Variants in CMIP observed in about 807,000 individuals in gnomAD.
The protein encoded by CMIP is C-Maf-inducing protein.
Under a neutral mutation model 97.3 loss-of-function variants are expected in CMIP, and 13 were observed. The observed-to-expected ratio is 0.13, with a 90% CI of 0.09 to 0.21. The LOEUF is 0.21. Ranked by LOEUF, CMIP falls within the 10% of genes least tolerant of loss-of-function variation. The pLI is 1.00. For missense variants in CMIP, 847 were observed against 1,024.9 expected, an observed-to-expected ratio of 0.83 and a Z score of 2.37; for synonymous variants, 538 against 436.3, an observed-to-expected ratio of 1.23 and a Z score of -2.91.
intron 1 of CMIP, among the ~76,000 whole-genome samples, chr16:81,566,963 G>A (rs1339292725): frequency 1.3e-5 from 2 of 152,228 alleles, no homozygotes; most frequent in African/African-American, 4.8e-5. Context: ...TGGAATGATG[G>A]TTACTTCTTG....
intron 1 of CMIP, among the ~76,000 whole-genome samples, chr16:81,492,290 A>AT (rs2089418239): frequency 6.6e-6 from 1 of 151,938 alleles, no homozygotes; most frequent in African/African-American, 2.4e-5. Flanking sequence ...ATTGTTTTTC[A>AT]TTTTTTTCTT....
chr16:81,707,095 C>G lies in CMIP; in HGVS notation c.2268+11C>G. 1 of 1,611,750 alleles carries G rather than the reference C, an allele frequency of 6.2e-7. No homozygotes were observed. The highest frequency in any genetic ancestry group is 8.5e-7 in the Non-Finnish European group (1 of 1,177,946). On this transcript the variant is annotated intron_variant, in intron 20 of 20. Coordinates refer to ENST00000537098, the MANE Select transcript of CMIP (RefSeq NM_198390.3). ...TACGAAGATCTGAAGGTAATTCCCT[C>G]CTTCCTCCCCACTCTCCTCCCCTCC...
chr16:81,531,374 A>G (rs978647705), intron 1 of CMIP, among the ~76,000 whole-genome samples: 2 of 152,206 alleles, frequency 1.3e-5, no homozygotes, highest in African/African-American at 4.8e-5. Context: ...ATCTTGACTT[A>G]GGACTCTCAG....
At chr16:81,495,524 C>G in intron 1 of CMIP, 3 of 1,610,260 alleles carry the variant, frequency 1.9e-6, no homozygotes, top group Non-Finnish European at 2.5e-6. Context: ...ACGACTCTGT[C>G]CAGCTTGATG....
chr16:81,670,134 C>T lies in CMIP; in HGVS notation c.826-8C>T. 1 of 1,603,792 alleles carries T rather than the reference C, an allele frequency of 6.2e-7. No homozygotes were observed. Among genetic ancestry groups the T allele is most frequent in the Non-Finnish European group, 8.5e-7 (1 of 1,175,524 alleles). On this transcript the variant is annotated splice_polypyrimidine_tract_variant and splice_region_variant and intron_variant, in intron 7 of 20. Transcript: ENST00000537098. ...CGTCCCGACTCCTGTCCTCTGCTGT[C>T]TCCACAGGACTTTGGGAAGTGCCCG...
At chr16:81,531,550 T>G (rs1288091271) in intron 1 of CMIP, among the ~76,000 whole-genome samples, 1 of 152,248 alleles carries the variant, frequency 6.6e-6, no homozygotes, top group Admixed American at 6.5e-5. Flanking sequence ...GCATGGTTAG[T>G]GCTGACCAAG....
intron 1 of CMIP, among the ~76,000 whole-genome samples, chr16:81,452,180 C>T (rs1370865357): frequency 1.3e-5 from 2 of 152,194 alleles, no homozygotes. Context: ...GAAGAGAACA[C>T]GGCAGACCCA....
At chr16:81,709,313 C>T (rs994859709) in intron 20 of CMIP, among the ~76,000 whole-genome samples, 1 of 152,186 alleles carries the variant, frequency 6.6e-6, no homozygotes, top group Non-Finnish European at 1.5e-5. Flanking sequence ...ATACGGTGCC[C>T]TGGGCTTTCT....
At chr16:81,494,126 C>T (rs1355599810) in intron 1 of CMIP, among the ~76,000 whole-genome samples, 1 of 152,326 alleles carries the variant, frequency 6.6e-6, no homozygotes, top group Non-Finnish European at 1.5e-5. Flanking sequence ...AAGCTTCCCT[C>T]CAGGCACGGT....
At chr16:81,530,802 C>T (rs150956883) in intron 1 of CMIP, among the ~76,000 whole-genome samples, 2 of 152,198 alleles carry the variant, frequency 1.3e-5, no homozygotes, top group Non-Finnish European at 2.9e-5. Context: ...GTGCTAGGCA[C>T]GTACCCTCTT....
chr16:81,500,066 T>C (rs1010027834), intron 1 of CMIP, among the ~76,000 whole-genome samples: 3 of 152,066 alleles, frequency 2.0e-5, no homozygotes, highest in Admixed American at 6.5e-5. Context: ...TCGGCCTTCT[T>C]CAGCCACTCC....
intron 9 of CMIP, among the ~76,000 whole-genome samples, chr16:81,678,037 A>C (rs374422505): frequency 1.8e-4 from 28 of 152,240 alleles, no homozygotes; most frequent in African/African-American, 6.5e-4. Context: ...GGGTGATAGC[A>C]TGGGCTGTAG....
chr16:81,649,730 C>T (rs925912023), intron 3 of CMIP, among the ~76,000 whole-genome samples: 1 of 152,216 alleles, frequency 6.6e-6, no homozygotes, highest in Non-Finnish European at 1.5e-5. Context: ...GAAGAGTCCA[C>T]TTAGAGCCCA....
intron 1 of CMIP, among the ~76,000 whole-genome samples, chr16:81,454,555 A>C (rs531172848): frequency 2.6e-5 from 4 of 152,378 alleles, no homozygotes; most frequent in Non-Finnish European, 5.9e-5. Flanking sequence ...AATGCCAGCT[A>C]TTCGTAAAGG....
intron 16 of CMIP, 85 bp from the exon 17 acceptor site, chr16:81,702,537 C>T (rs1015790726): frequency 2.3e-6 from 3 of 1,325,822 alleles, no homozygotes; most frequent in East Asian, 2.4e-5. Flanking sequence ...AACGATGGCT[C>T]CATGAGTGTT....
At chr16:81,513,289 A>G (rs887121098) in intron 1 of CMIP, among the ~76,000 whole-genome samples, 1 of 152,174 alleles carries the variant, frequency 6.6e-6, no homozygotes, top group Non-Finnish European at 1.5e-5. Context: ...GGCTATTCAG[A>G]GGAGCCGCCT....
intron 1 of CMIP, chr16:81,519,910 C>G (rs1456042729): frequency 6.6e-6 from 1 of 152,106 alleles, no homozygotes; most frequent in Non-Finnish European, 1.5e-5. Context: ...GAAACTGAAA[C>G]CACCATTTGG....
intron 2 of CMIP, among the ~76,000 whole-genome samples, chr16:81,613,693 G>A (rs997710266): frequency 6.6e-6 from 1 of 152,218 alleles, no homozygotes; most frequent in African/African-American, 2.4e-5. Flanking sequence ...GGGGAAGAGA[G>A]GGAATCAGAG....
At chr16:81,539,027 G>A (rs184034200) in intron 1 of CMIP, among the ~76,000 whole-genome samples, 45 of 152,260 alleles carry the variant, frequency 3.0e-4, no homozygotes, top group Admixed American at 1.7e-3. Context: ...CAGAAAATTC[G>A]ATTAGATAGT....
Sources: gnomAD v4.1 joint callset for allele counts (sites outside exome capture counted in the v4.1 genomes callset) on GRCh38, gnomAD v4.1.1 for gene constraint, MANE v1.5 for transcripts, NCBI Gene and HGNC (gene_info 2026-07-23, HGNC 2026-07-21) for gene names.